IMPG1: variants seen among roughly 807,000 people sequenced by gnomAD.
IMPG1 encodes interphotoreceptor matrix proteoglycan of 150 kDa.
IMPG1 carries 85 observed loss-of-function variants against 92.0 expected under a neutral mutation model. That is an observed-to-expected ratio of 0.92 (90% CI 0.78 to 1.11). The LOEUF is 1.11. Among genes scored for constraint, IMPG1 ranks in the 50% least tolerant of loss-of-function variants. The pLI is 0.00. For synonymous variants in IMPG1, 367 were observed against 334.1 expected (o/e 1.10, Z -1.08); for missense variants, 1,022 against 956.0 (o/e 1.07, Z -0.91).
intron 1 of IMPG1, among the ~76,000 whole-genome samples, chr6:76,058,392 C>G (rs2127597309): frequency 6.6e-6 from 1 of 152,168 alleles, no homozygotes; most frequent in South Asian, 2.1e-4. Context: ...TTGCTATAGC[C>G]ATCTTAGGAG....
chr6:75,976,903 C>T (rs1156756404), intron 12 of IMPG1, among the ~76,000 whole-genome samples: 1 of 132,962 alleles, frequency 7.5e-6, no homozygotes, highest in African/African-American at 2.6e-5. Context: ...CAGTAAGATT[C>T]CGTCTTAAAA....
chr6:75,933,362 CT>C (rs1436635106), intron 14 of IMPG1, among the ~76,000 whole-genome samples: 2 of 152,196 alleles, frequency 1.3e-5, no homozygotes, highest in African/African-American at 4.8e-5. Context: ...TTTATTTTTA[CT>C]GTTGGTACTA....
chr6:75,961,817 A>G (rs1296134269), intron 12 of IMPG1, among the ~76,000 whole-genome samples: 2 of 152,188 alleles, frequency 1.3e-5, no homozygotes, highest in Non-Finnish European at 2.9e-5. Flanking sequence ...ACTATCAATC[A>G]AGTGTCAGGG....
chr6:75,987,189 G>A (rs1447180551), intron 12 of IMPG1, among the ~76,000 whole-genome samples: 1 of 152,022 alleles, frequency 6.6e-6, no homozygotes, highest in Non-Finnish European at 1.5e-5. Context: ...GGGGTGTTCA[G>A]TGAAAAGATT....
intron 9 of IMPG1, 124 bp downstream of exon 9, chr6:76,007,356 A>G: frequency 1.5e-6 from 1 of 659,844 alleles, no homozygotes; most frequent in Non-Finnish European, 2.5e-6. Context: ...TTTAAATAAG[A>G]AACCATCAAA....
At chr6:76,030,448 C>A (rs974066597) in intron 4 of IMPG1, among the ~76,000 whole-genome samples, 1 of 152,102 alleles carries the variant, frequency 6.6e-6, no homozygotes, top group Non-Finnish European at 1.5e-5. Context: ...CATCCTGAAC[C>A]CCTGGGAATC....
intron 4 of IMPG1, among the ~76,000 whole-genome samples, chr6:76,033,883 T>A (rs2149487741): frequency 6.6e-6 from 1 of 152,304 alleles, no homozygotes; most frequent in East Asian, 1.9e-4. Flanking sequence ...GCTTTAGTAA[T>A]TTAGTTTCAG....
At chr6:75,952,624 G>A (rs1782051042) in intron 12 of IMPG1, among the ~76,000 whole-genome samples, 1 of 152,044 alleles carries the variant, frequency 6.6e-6, no homozygotes, top group Admixed American at 6.6e-5. Context: ...AATCTCCATT[G>A]CTATGGGCTG....
chr6:76,048,975 A>G (rs554764641), intron 1 of IMPG1, among the ~76,000 whole-genome samples: 2 of 152,364 alleles, frequency 1.3e-5, no homozygotes, highest in South Asian at 4.1e-4. Flanking sequence ...TAGACTGGAT[A>G]AAGAAAATGT....
At chr6:75,924,771 A>G (rs1360343063) in intron 15 of IMPG1, among the ~76,000 whole-genome samples, 3 of 84,440 alleles carry the variant, frequency 3.6e-5, no homozygotes, top group African/African-American at 1.4e-4. Context: ...AATTATATAT[A>G]ATATATATAA....
rs1393936373 is a variant in IMPG1, at chr6:76,005,324, T to C, written c.1098A>G (p.Glu366=). The C allele has an allele frequency of 6.2e-6, 10 of 1,614,046 alleles. No homozygotes were observed. Among genetic ancestry groups the C allele is most frequent in the South Asian group, 2.2e-5 (2 of 91,078 alleles). ...GAATTGTCCCCACATCCAAAGATTG[T>C]TCTTCCTCTAGTGCTTTGCTGATCA... ...KRLISKALEE[E]QSLDVGTIQF... is the part of the protein sequence containing the mutation. Residue 366 remains glutamate (E), a synonymous_variant, in exon 10 of 17, where the codon GAA becomes GAG. Coordinates refer to ENST00000369950, the MANE Select transcript of IMPG1 (RefSeq NM_001563.4).
At chr6:75,999,122 G>T (rs1280520157) in intron 12 of IMPG1, among the ~76,000 whole-genome samples, 2 of 152,130 alleles carry the variant, frequency 1.3e-5, no homozygotes, top group Non-Finnish European at 2.9e-5. Flanking sequence ...CTCCCAAAGT[G>T]CTGGGATTAC....
chr6:75,936,078 C>T (rs1252970250), intron 14 of IMPG1, among the ~76,000 whole-genome samples: 1 of 152,236 alleles, frequency 6.6e-6, no homozygotes, highest in Admixed American at 6.5e-5. Flanking sequence ...ACCTGCTCAT[C>T]TGTTCTACCA....
chr6:76,052,140 G>A (rs150246481), intron 1 of IMPG1, among the ~76,000 whole-genome samples: 51 of 152,274 alleles, frequency 3.3e-4, no homozygotes, highest in African/African-American at 7.9e-4. Context: ...TGCCTCTTTC[G>A]TGCCCAGAGG....
Position 76,052,548 on chromosome 6 carries a change from A to T in IMPG1, c.68-10422T>A, listed in dbSNP as rs182970551. 1.4e-4 allele frequency among the ~76,000 whole-genome samples: 21 copies of T among 152,308 alleles called. No homozygotes were observed. In the East Asian group the frequency reaches 4.1e-3, roughly 29 times the overall value. The stretch of plus-strand genomic sequence containing the variant: ...TAATGGGGGAATGCCTTTGCCTCTC[A>T]AATAGTGGTACAGGCGCCCTCAAGG... On this transcript the variant is annotated intron_variant, in intron 1 of 16. Coordinates refer to ENST00000369950, the MANE Select transcript of IMPG1 (RefSeq NM_001563.4).
chr6:75,942,830 A>G (rs1184152086), intron 14 of IMPG1, among the ~76,000 whole-genome samples: 1 of 152,216 alleles, frequency 6.6e-6, no homozygotes, highest in East Asian at 1.9e-4. Context: ...ATGTGTTTTA[A>G]AATTTAGATA....
At chr6:76,023,776 A>G (rs1783475892) in intron 5 of IMPG1, among the ~76,000 whole-genome samples, 1 of 152,166 alleles carries the variant, frequency 6.6e-6, no homozygotes, top group South Asian at 2.1e-4. Flanking sequence ...ATAATTTATA[A>G]GAAAGGGGTC....
chr6:76,060,875 C>T (rs1784193881), intron 1 of IMPG1, among the ~76,000 whole-genome samples: 1 of 152,102 alleles, frequency 6.6e-6, no homozygotes, highest in East Asian at 1.9e-4. Context: ...ATGGTCATTA[C>T]AACATGTATT....
At chr6:75,994,577 C>T (rs1782866258) in intron 12 of IMPG1, among the ~76,000 whole-genome samples, 1 of 152,222 alleles carries the variant, frequency 6.6e-6, no homozygotes, top group Non-Finnish European at 1.5e-5. Flanking sequence ...TCACGTCTTA[C>T]ATGGATGACA....
Sources: allele counts gnomAD v4.1 joint callset (sites outside exome capture counted in the v4.1 genomes callset), GRCh38; gene constraint gnomAD v4.1.1; transcripts MANE v1.5; gene names NCBI Gene and HGNC (gene_info 2026-07-23, HGNC 2026-07-21).